SLC22A2: variants seen among roughly 807,000 people sequenced by gnomAD.
SLC22A2 encodes solute carrier family 22 member 2, also known as organic cation transporter 2.
A neutral mutation model predicts 60.5 loss-of-function variants in SLC22A2; 46 were observed. That is an observed-to-expected ratio of 0.76 (90% CI 0.60 to 0.97). The LOEUF is 0.97. Ranked by LOEUF, SLC22A2 falls within the 50% of genes least tolerant of loss-of-function variation. The pLI, the probability that SLC22A2 is intolerant of heterozygous loss-of-function variation, is 0.00. For missense variants in SLC22A2, 701 were observed against 706.6 expected (o/e 0.99, Z 0.09); for synonymous variants, 303 against 267.0 (o/e 1.13, Z -1.31).
intron 6 of SLC22A2, 55 bp from the exon 7 acceptor site, chr6:160,243,841 A>C (rs915945396): frequency 8.0e-7 from 1 of 1,249,332 alleles, no homozygotes; most frequent in East Asian, 2.3e-5. Flanking sequence ...GGGCACCAAA[A>C]AAGAGAGGCT....
At chr6:160,258,254 G>A in intron 1 of SLC22A2, 90 bp downstream of exon 1, 2 of 1,427,246 alleles carry the variant, frequency 1.4e-6, no homozygotes, top group South Asian at 2.7e-5. Context: ...TCCAGGCAGG[G>A]TTTATAAGAG....
chr6:160,234,591 A>G (rs1311604929), intron 9 of SLC22A2, among the ~76,000 whole-genome samples: 2 of 152,174 alleles, frequency 1.3e-5, no homozygotes, highest in African/African-American at 4.8e-5. Flanking sequence ...TTGTGCCCAG[A>G]GACCACATGT....
intron 10 of SLC22A2, among the ~76,000 whole-genome samples, chr6:160,223,229 G>T (rs960397599): frequency 6.6e-6 from 1 of 152,136 alleles, no homozygotes; most frequent in Non-Finnish European, 1.5e-5. Flanking sequence ...TCTTTATCTA[G>T]AATTTTTTAA....
intron 10 of SLC22A2, among the ~76,000 whole-genome samples, chr6:160,222,685 A>G (rs999856971): frequency 3.3e-5 from 5 of 152,156 alleles, no homozygotes; most frequent in African/African-American, 1.2e-4. Flanking sequence ...CTCCAACTCA[A>G]ATGTCTGCAT....
At chr6:160,230,803 C>T (rs1441633423) in intron 9 of SLC22A2, among the ~76,000 whole-genome samples, 1 of 111,244 alleles carries the variant, frequency 9.0e-6, no homozygotes, top group Non-Finnish European at 2.0e-5. Flanking sequence ...CAAGGAATGC[C>T]TGCAGCCTGG....
In SLC22A2 at chr6:160,228,923, G is replaced by A. The variant is rs571315490; in HGVS notation, c.1502-4119C>T. Among the ~76,000 whole-genome samples, 9 of 149,610 alleles carry A rather than the reference G, an allele frequency of 6.0e-5. No individual in the cohort carries two copies. In the South Asian group the frequency reaches 6.3e-4, roughly 11 times the overall value. The stretch of plus-strand genomic sequence containing the variant: ...ATTACCTACCCAAATCCTATAAAAC[G>A]GCCCCACCCCTATCTCCCTTCGATG... On this transcript the variant is annotated intron_variant, in intron 9 of 10. Transcript: ENST00000366953.
At chr6:160,256,903 T>TAA in intron 1 of SLC22A2, among the ~76,000 whole-genome samples, 186 bp from the exon 2 acceptor site, 1 of 127,918 alleles carries the variant, frequency 7.8e-6, no homozygotes, top group East Asian at 2.6e-4. Context: ...TCTCTCTCTC[T>TAA]TTTTTTTTTT....
chr6:160,234,960 A>T (rs1210012539), intron 9 of SLC22A2, among the ~76,000 whole-genome samples: 1 of 152,202 alleles, frequency 6.6e-6, no homozygotes, highest in East Asian at 1.9e-4. Context: ...CCTTTCTCTG[A>T]GCAAAAAATA....
intron 1 of SLC22A2, among the ~76,000 whole-genome samples, 187 bp from the exon 2 acceptor site, chr6:160,256,904 T>C (rs1472413136): frequency 1.4e-5 from 2 of 145,650 alleles, no homozygotes; most frequent in African/African-American, 2.7e-5. Context: ...CTCTCTCTCT[T>C]TTTTTTTTTT....
At position 160,243,661 on chromosome 6, in the gene SLC22A2, G is replaced by A. The variant is rs753257156; in HGVS notation, c.1190C>T (p.Thr397Ile). The change falls in exon 7 of 11, where the codon ACC (threonine) becomes ATC (isoleucine). Residue 397 changes from threonine to isoleucine, a missense_variant. Transcript: ENST00000366953. ...EFPAAFMIIL[T>I]IDRIGRRYPW... is the part of the protein sequence containing the mutation. ...GTAACGGCGTCCGATGCGGTCGATG[G>A]TGAGGATGATCATGAAGGCAGCTGG... The A allele has an allele frequency of 4.3e-6, 7 of 1,614,048 alleles. No individual in the cohort carries two copies. The highest frequency in any genetic ancestry group is 5.1e-6 in the Non-Finnish European group (6 of 1,179,958).
At position 160,258,490 on chromosome 6, in the gene SLC22A2, T is replaced by C. The variant is rs148841179; in HGVS notation, c.268A>G (p.Arg90Gly). ...PAGEASPRQC[R>G]RYEVDWNQST... Reference sequence around the variant, plus strand: ...TGGTTCCAGTCCACCTCGTAGCGCCTACACTGTCTTGGGGAGGCTTCGCCC... The same window carrying C: ...TGGTTCCAGTCCACCTCGTAGCGCCCACACTGTCTTGGGGAGGCTTCGCCC... Residue 90 changes from arginine to glycine, a missense_variant, in exon 1 of 11, where the codon AGG (arginine) becomes GGG (glycine). Coordinates refer to ENST00000366953, the MANE Select transcript of SLC22A2 (RefSeq NM_003058.4). 1.9e-6 allele frequency: 3 copies of C among 1,614,022 alleles called. No homozygotes were observed. In the African/African-American group the frequency reaches 4.0e-5, roughly 22 times the overall value.
chr6:160,252,132 A>G (rs1270365035), intron 2 of SLC22A2, among the ~76,000 whole-genome samples: 1 of 152,290 alleles, frequency 6.6e-6, no homozygotes, highest in East Asian at 1.9e-4. Flanking sequence ...GTAAATATAC[A>G]ACCTCTTGGC....
chr6:160,249,345 C>A lies in SLC22A2; in HGVS notation c.713G>T (p.Gly238Val), dbSNP rs2114868684. 6.2e-7 allele frequency: 1 copy of A among 1,613,496 alleles called. No homozygotes were observed. The highest frequency in any genetic ancestry group is 8.5e-7 in the Non-Finnish European group (1 of 1,179,774). The change falls in exon 4 of 11, where the codon GGG (glycine) becomes GTG (valine). Residue 238 changes from glycine to valine, a missense_variant. Transcript: ENST00000366953. ...FVGRRYRRTV[G>V]IFYQVAYTVG... ...TGTATAGGCAACTTGGTAAAAAATCCCCACTGTTCTCCGATATCTCCGCCC... is the reference window on the plus strand; with the variant it reads ...TGTATAGGCAACTTGGTAAAAAATCACCACTGTTCTCCGATATCTCCGCCC...
intron 7 of SLC22A2, among the ~76,000 whole-genome samples, chr6:160,242,809 G>A (rs1034857654): frequency 6.6e-6 from 1 of 151,976 alleles, no homozygotes; most frequent in African/African-American, 2.4e-5. Context: ...TCTATAGCTG[G>A]CATTAGGGTT....
intron 2 of SLC22A2, among the ~76,000 whole-genome samples, 199 bp from the exon 3 acceptor site, chr6:160,250,901 G>A (rs1340843761): frequency 6.6e-6 from 1 of 152,168 alleles, no homozygotes; most frequent in African/African-American, 2.4e-5. Flanking sequence ...AGCACACTAT[G>A]TGTAAGTTTT....
rs868491834 is a variant in SLC22A2 at position 160,230,164 on chromosome 6, A to G, written c.1502-5360T>C. The stretch of plus-strand genomic sequence containing the variant: ...CCTTGCCAGGCCGAGCTAGGTCCCA[A>G]TTCTTCCTCAGCCTCTATTCCCTGA... On this transcript the variant is annotated intron_variant, in intron 9 of 10. Transcript: ENST00000366953. Among the ~76,000 whole-genome samples, 12 of 151,364 alleles carry G rather than the reference A, an allele frequency of 7.9e-5. 1 individual carries two copies. Among genetic ancestry groups the G allele is most frequent in the African/African-American group, 2.2e-4 (9 of 41,008 alleles).
At chr6:160,248,837 C>G (rs528265102) in intron 4 of SLC22A2, among the ~76,000 whole-genome samples, 1 of 152,312 alleles carries the variant, frequency 6.6e-6, no homozygotes, top group Admixed American at 6.5e-5. Context: ...GTGCCATGCT[C>G]TGCTTTCTCC....
intron 9 of SLC22A2, among the ~76,000 whole-genome samples, chr6:160,234,556 C>T (rs1198717674): frequency 6.6e-6 from 1 of 152,118 alleles, no homozygotes; most frequent in Non-Finnish European, 1.5e-5. Context: ...TTTTCTGTTA[C>T]TCAGGGTAAC....
Position 160,245,549 on chromosome 6 carries a change from A to C in SLC22A2, c.958-4T>G. 1 of 1,592,376 alleles carries C rather than the reference A, an allele frequency of 6.3e-7. No individual in the cohort carries two copies. On this transcript the variant is annotated splice_region_variant and splice_polypyrimidine_tract_variant and intron_variant, in intron 5 of 10. Coordinates refer to ENST00000366953, the MANE Select transcript of SLC22A2 (RefSeq NM_003058.4). ...TTTCCTCTTCAAGTCTCAGGCGCTA[A>C]GAAAAGGAATAGAAAGGACGGCTTT...
Sources: gnomAD v4.1 joint callset for allele counts (sites outside exome capture counted in the v4.1 genomes callset) on GRCh38, gnomAD v4.1.1 for gene constraint, MANE v1.5 for transcripts, NCBI Gene and HGNC (gene_info 2026-07-23, HGNC 2026-07-21) for gene names.